Variants in RBFOX1 observed in about 807,000 individuals in gnomAD.
RBFOX1 encodes the protein RNA binding fox-1 homolog 1.
RBFOX1 carries 8 observed loss-of-function variants against 57.7 expected under a neutral mutation model. That is an observed-to-expected ratio of 0.14 (90% CI 0.08 to 0.25). The LOEUF is 0.25. Among genes scored for constraint, RBFOX1 ranks in the 10% least tolerant of loss-of-function variants. The pLI is 1.00. For missense variants in RBFOX1, 611 were observed against 548.5 expected (o/e 1.11, Z -1.14); for synonymous variants, 326 against 222.4 (o/e 1.47, Z -4.15).
Position 6,083,459 on chromosome 16 carries a change from C to G in RBFOX1, c.-127+63467C>G, listed in dbSNP as rs181210261. On this transcript the variant is annotated intron_variant, in intron 1 of 15. Coordinates refer to ENST00000550418, the MANE Select transcript of RBFOX1 (RefSeq NM_018723.4). Reference sequence around the variant, plus strand: ...GCATATCATTACTTGCTTTCATGCTCTCTTTGGTCCATTTTTGGTTTTGGT... The same window carrying G: ...GCATATCATTACTTGCTTTCATGCTGTCTTTGGTCCATTTTTGGTTTTGGT... Among the ~76,000 whole-genome samples, 317 of 152,136 alleles carry G rather than the reference C, an allele frequency of 2.1e-3. 4 individuals carry two copies. Among genetic ancestry groups the G allele is most frequent in the Non-Finnish European group, 2.2e-3 (149 of 67,986 alleles).
At chr16:6,371,254 T>C (rs2090394589) in intron 2 of RBFOX1, among the ~76,000 whole-genome samples, 1 of 152,196 alleles carries the variant, frequency 6.6e-6, no homozygotes, top group Admixed American at 6.5e-5. Flanking sequence ...GTTTTACCAT[T>C]CATTGATGAT....
At chr16:6,193,392 C>CACATTATATATA (rs1555545384) in intron 1 of RBFOX1, among the ~76,000 whole-genome samples, 2 of 43,222 alleles carry the variant, frequency 4.6e-5, no homozygotes, top group African/African-American at 1.3e-4. Flanking sequence ...TATATATATA[C>CACATTATATATA]TATATATATA....
intron 2 of RBFOX1, among the ~76,000 whole-genome samples, chr16:6,625,216 C>T (rs537772829): frequency 7.2e-6 from 1 of 139,836 alleles, no homozygotes; most frequent in Non-Finnish European, 1.5e-5. Context: ...GGGAGTGGCA[C>T]ACCCCCAAAA....
At chr16:7,265,322 T>G (rs2095085683) in intron 4 of RBFOX1, among the ~76,000 whole-genome samples, 1 of 152,060 alleles carries the variant, frequency 6.6e-6, no homozygotes. Flanking sequence ...TCTCCCTGTA[T>G]CTTCCCTTGG....
At chr16:6,530,684 T>C (rs1416568243) in intron 2 of RBFOX1, among the ~76,000 whole-genome samples, 1 of 152,044 alleles carries the variant, frequency 6.6e-6, no homozygotes, top group Non-Finnish European at 1.5e-5. Context: ...GCAAGTTATG[T>C]CTTACATAGA....
chr16:5,534,293 A>G (rs986476247), intron 2 of RBFOX1, among the ~76,000 whole-genome samples: 5 of 152,192 alleles, frequency 3.3e-5, no homozygotes, highest in South Asian at 2.1e-4. Context: ...GGATATATGT[A>G]TACATGAAAG....
intron 13 of RBFOX1, among the ~76,000 whole-genome samples, chr16:7,669,477 A>ATAGAG (rs1314197399): frequency 1.3e-4 from 20 of 152,346 alleles, no homozygotes; most frequent in African/African-American, 4.8e-4. Flanking sequence ...GTGAGAGGAT[A>ATAGAG]TAGAGTATAA....
At chr16:6,716,767 T>A (rs933485961) in intron 3 of RBFOX1, among the ~76,000 whole-genome samples, 2 of 152,194 alleles carry the variant, frequency 1.3e-5, no homozygotes, top group Admixed American at 6.5e-5. Flanking sequence ...GGAAGGGATT[T>A]TTTTTTTCCC....
intron 2 of RBFOX1, among the ~76,000 whole-genome samples, chr16:6,391,341 C>G (rs149640657): frequency 2.4e-3 from 361 of 152,094 alleles, no homozygotes; most frequent in African/African-American, 7.7e-3. Flanking sequence ...AACCCCGTCT[C>G]TACTAAAAAT....
intron 3 of RBFOX1, chr16:6,705,285 C>T (rs953185303): frequency 6.6e-6 from 1 of 151,840 alleles, no homozygotes; most frequent in East Asian, 1.9e-4. Flanking sequence ...GCAAAGGTTT[C>T]TCACTGTTTG....
intron 5 of RBFOX1, among the ~76,000 whole-genome samples, chr16:7,576,588 GATTA>G (rs1183455260): frequency 6.6e-6 from 1 of 152,146 alleles, no homozygotes; most frequent in Admixed American, 6.5e-5. Flanking sequence ...ACTACAAAAT[GATTA>G]ATTGAGCGTT....
rs560872849 is a variant in RBFOX1 at position 7,211,581 on chromosome 16, A to G, written c.27+159483A>G. Among the ~76,000 whole-genome samples, 12 of 152,270 alleles carry G rather than the reference A, an allele frequency of 7.9e-5. No homozygotes were observed. The East Asian group carries it at 2.3e-3, about 29-fold the overall frequency. ...AAACAAAAAAGGCCTTGAGTCTTAA[A>G]AGAGAGAGAAAGAGTTGTTGAAATC... is the stretch of plus-strand genomic sequence containing the variant. On this transcript the variant is annotated intron_variant, in intron 4 of 15. Transcript: ENST00000550418.
intron 1 of RBFOX1, among the ~76,000 whole-genome samples, chr16:5,327,400 A>C (rs2064609691): frequency 6.6e-6 from 1 of 152,232 alleles, no homozygotes; most frequent in Non-Finnish European, 1.5e-5. Context: ...TTAAGAATGC[A>C]AGTTTAAAAT....
intron 1 of RBFOX1, among the ~76,000 whole-genome samples, chr16:6,252,024 A>T (rs2097617984): frequency 6.6e-6 from 1 of 151,136 alleles, no homozygotes; most frequent in South Asian, 2.1e-4. Flanking sequence ...AAGGAACTCC[A>T]GCGAGAATTT....
intron 2 of RBFOX1, among the ~76,000 whole-genome samples, chr16:5,515,005 A>G (rs187212181): frequency 1.3e-5 from 2 of 152,238 alleles, no homozygotes; most frequent in East Asian, 3.9e-4. Context: ...GGAAGCAGGA[A>G]TGTTACATGG....
Position 5,886,542 on chromosome 16 carries a change from C to T in RBFOX1, c.351+19207C>T, listed in dbSNP as rs140965226. On this transcript the variant is annotated intron_variant, in intron 4 of 19. Transcript: ENST00000641259. ...ACAGCAATAACTAACATTTGGTCTT[C>T]TTATGTGAAAGAATACCATTGGCCC... Among the ~76,000 whole-genome samples, 508 of 152,298 alleles carry T rather than the reference C, an allele frequency of 3.3e-3. 2 individuals carry two copies. The highest frequency in any genetic ancestry group is 0.012 in the African/African-American group (486 of 41,552).
intron 4 of RBFOX1, among the ~76,000 whole-genome samples, chr16:5,996,024 A>T (rs1326432117): frequency 6.6e-6 from 1 of 152,062 alleles, no homozygotes; most frequent in Admixed American, 6.5e-5. Flanking sequence ...GGAGAAAAGG[A>T]GCTCTCTGGG....
intron 4 of RBFOX1, among the ~76,000 whole-genome samples, chr16:7,129,591 A>T (rs748343255): frequency 6.6e-5 from 10 of 152,082 alleles, no homozygotes; most frequent in Non-Finnish European, 1.0e-4. Flanking sequence ...GAGGAATTAC[A>T]GTTGGCTTTA....
intron 2 of RBFOX1, among the ~76,000 whole-genome samples, chr16:5,592,516 A>C (rs1414519704): frequency 6.6e-6 from 1 of 151,708 alleles, no homozygotes; most frequent in Non-Finnish European, 1.5e-5. Flanking sequence ...TCCTGGGTTC[A>C]AGCGATTCTC....
Sources: gnomAD v4.1 joint callset for allele counts (sites outside exome capture counted in the v4.1 genomes callset) on GRCh38, gnomAD v4.1.1 for gene constraint, MANE v1.5 for transcripts, NCBI Gene and HGNC (gene_info 2026-07-23, HGNC 2026-07-21) for gene names.